The following SMARCC1 variants were observed in gnomAD, a reference collection of about 807,000 sequenced individuals.
SMARCC1 encodes SWI/SNF related BAF chromatin remodeling complex subunit C1, also known as SWI/SNF complex subunit SMARCC1.
Under a neutral mutation model 147.4 loss-of-function variants are expected in SMARCC1, and 43 were observed. The observed-to-expected ratio is 0.29, with a 90% CI of 0.23 to 0.38. The LOEUF (loss-of-function observed/expected upper bound fraction) is 0.38. Ranked by LOEUF, SMARCC1 falls within the 10% of genes least tolerant of loss-of-function variation. The pLI, the probability that SMARCC1 is intolerant of heterozygous loss-of-function variation, is 1.00. For missense variants in SMARCC1, 1,119 were observed against 1,381.1 expected, an observed-to-expected ratio of 0.81 and a Z score of 3.01; for synonymous variants, 495 against 484.4, an observed-to-expected ratio of 1.02 and a Z score of -0.29.
intron 24 of SMARCC1, among the ~76,000 whole-genome samples, chr3:47,626,399 G>A (rs1268929320): frequency 6.8e-6 from 1 of 146,510 alleles, no homozygotes; most frequent in Non-Finnish European, 1.5e-5. Context: ...GTCTGACTCA[G>A]CCTCCCAAAG....
At chr3:47,597,308 C>T (rs899530779) in intron 26 of SMARCC1, among the ~76,000 whole-genome samples, 1 of 152,094 alleles carries the variant, frequency 6.6e-6, no homozygotes, top group African/African-American at 2.4e-5. Flanking sequence ...AGGTGTGCAC[C>T]ACCACGTCAG....
intron 4 of SMARCC1, among the ~76,000 whole-genome samples, chr3:47,736,642 A>AT (rs1418598184): frequency 6.6e-6 from 1 of 152,080 alleles, no homozygotes; most frequent in African/African-American, 2.4e-5. Flanking sequence ...ACACCACTGA[A>AT]CTCCAGCCTG....
chr3:47,627,526 T>C (rs1184813293), intron 24 of SMARCC1, among the ~76,000 whole-genome samples: 1 of 152,168 alleles, frequency 6.6e-6, no homozygotes, highest in African/African-American at 2.4e-5. Context: ...CTCTGGTTCC[T>C]TCCAGCAAGA....
intron 2 of SMARCC1, among the ~76,000 whole-genome samples, chr3:47,753,231 A>G (rs1290951559): frequency 4.6e-5 from 7 of 151,640 alleles, no homozygotes; most frequent in Non-Finnish European, 2.9e-5. Context: ...AGGATGAGAC[A>G]GGAGAATCAC....
chr3:47,639,709 A>G (rs1341904288), intron 21 of SMARCC1, among the ~76,000 whole-genome samples: 1 of 142,878 alleles, frequency 7.0e-6, no homozygotes, highest in Non-Finnish European at 1.5e-5. Flanking sequence ...GTGAGACTAC[A>G]TCTCAAAACC....
chr3:47,606,694 T>TTTAG (rs1282550492), intron 26 of SMARCC1, among the ~76,000 whole-genome samples: 1 of 152,056 alleles, frequency 6.6e-6, no homozygotes, highest in Non-Finnish European at 1.5e-5. Context: ...AAACTGAATT[T>TTTAG]TTATTTATTT....
rs2033342249 is a variant in SMARCC1, at chr3:47,661,235, A to C, written c.2320+59T>G. ...TGCAAGTAAACCCAATTATTTGAGT[A>C]AACTGACAGGAATACAAACATATAT... On this transcript the variant is annotated intron_variant, in intron 21 of 27. Coordinates refer to ENST00000254480, the MANE Select transcript of SMARCC1 (RefSeq NM_003074.4). 4.2e-6 allele frequency: 6 copies of C among 1,425,282 alleles called. No homozygotes were observed. In the Admixed American group the frequency reaches 6.8e-5, roughly 16 times the overall value. The allele number at this position is 1,425,282 out of a possible 1,614,324, so 88.3% of individuals were successfully genotyped here.
chr3:47,603,132 G>C (rs1027712188), intron 26 of SMARCC1, among the ~76,000 whole-genome samples: 1 of 151,892 alleles, frequency 6.6e-6, no homozygotes, highest in Non-Finnish European at 1.5e-5. Context: ...TCAACTTAAA[G>C]GAGATCCCGC....
At position 47,722,293 on chromosome 3, in the gene SMARCC1, A is replaced by ATTTTTTTTT. The variant is rs34260316; in HGVS notation, c.647-1567_647-1559dup. Among the ~76,000 whole-genome samples the ATTTTTTTTT allele has an allele frequency of 3.9e-4, 42 of 107,050 alleles. 1 individual carries two copies. The highest frequency in any genetic ancestry group is 5.9e-4 in the Non-Finnish European group (33 of 55,556). 70.2% of individuals were successfully genotyped at this position (107,050 alleles called of 152,430 possible). On this transcript the variant is annotated intron_variant, in intron 6 of 27. Coordinates refer to ENST00000254480, the MANE Select transcript of SMARCC1 (RefSeq NM_003074.4). ...CAGCTGACTTTTGATACAAATTTTG[A>ATTTTTTTTT]TTTTTTTTTTTTTTTTTTTTTGAGA...
intron 24 of SMARCC1, among the ~76,000 whole-genome samples, chr3:47,623,134 CTTT>C (rs763911271): frequency 1.3e-4 from 9 of 67,472 alleles, no homozygotes; most frequent in Non-Finnish European, 1.7e-4. Flanking sequence ...CTACACAAGG[CTTT>C]TTTTTTTTTT....
intron 4 of SMARCC1, among the ~76,000 whole-genome samples, chr3:47,737,113 C>A (rs1197512046): frequency 6.6e-6 from 1 of 152,144 alleles, no homozygotes; most frequent in Non-Finnish European, 1.5e-5. Flanking sequence ...TGAAGGCAGG[C>A]CGGACTCTGT....
At chr3:47,762,824 T>A (rs2034789583) in intron 2 of SMARCC1, among the ~76,000 whole-genome samples, 1 of 152,072 alleles carries the variant, frequency 6.6e-6, no homozygotes, top group African/African-American at 2.4e-5. Flanking sequence ...CCCAGCACTT[T>A]GGGAGGCCGA....
At chr3:47,677,557 T>C (rs1281588627) in intron 16 of SMARCC1, among the ~76,000 whole-genome samples, 1 of 149,548 alleles carries the variant, frequency 6.7e-6, no homozygotes, top group Non-Finnish European at 1.5e-5. Context: ...TTTTATTTTG[T>C]GTTTTTTTTT....
intron 2 of SMARCC1, among the ~76,000 whole-genome samples, chr3:47,755,195 T>A (rs748692148): frequency 1.1e-4 from 17 of 149,432 alleles, no homozygotes; most frequent in Admixed American, 4.7e-4. Context: ...TGAGTGAGAG[T>A]CTGTCTCAAA....
chr3:47,604,433 C>T, intron 26 of SMARCC1: 1 of 386,620 alleles, frequency 2.6e-6, no homozygotes, highest in South Asian at 2.0e-5. Flanking sequence ...TAATCTTCAG[C>T]TCCCAATGTA....
At chr3:47,728,868 G>A (rs555312931) in intron 6 of SMARCC1, among the ~76,000 whole-genome samples, 157 bp downstream of exon 6, 5 of 152,242 alleles carry the variant, frequency 3.3e-5, no homozygotes, top group East Asian at 1.9e-4. Context: ...CTGAGATCGC[G>A]CCACTGCACT....
chr3:47,736,583 G>A (rs2034446785), intron 4 of SMARCC1, among the ~76,000 whole-genome samples: 1 of 152,042 alleles, frequency 6.6e-6, no homozygotes, highest in East Asian at 1.9e-4. Context: ...GGCTGAGGCA[G>A]GAGAATGGCG....
intron 27 of SMARCC1, among the ~76,000 whole-genome samples, chr3:47,590,136 G>A (rs2032152231): frequency 6.6e-6 from 1 of 152,202 alleles, no homozygotes; most frequent in Non-Finnish European, 1.5e-5. Flanking sequence ...TGTCCTCATT[G>A]AGCTTGCTGG....
chr3:47,768,257 C>A (rs1480223902), intron 2 of SMARCC1, among the ~76,000 whole-genome samples: 1 of 152,150 alleles, frequency 6.6e-6, no homozygotes, highest in Non-Finnish European at 1.5e-5. Flanking sequence ...TTGTTTTATA[C>A]CATTATGGAT....
Sources: allele counts gnomAD v4.1 joint callset (sites outside exome capture counted in the v4.1 genomes callset), GRCh38; gene constraint gnomAD v4.1.1; transcripts MANE v1.5; gene names NCBI Gene and HGNC (gene_info 2026-07-23, HGNC 2026-07-21).